Variants in RAPGEF4 observed in about 807,000 individuals in gnomAD.
RAPGEF4 encodes Rap guanine nucleotide exchange factor 4, also known as RAP guanine-nucleotide-exchange factor (GEF) 4.
In RAPGEF4, 66 loss-of-function variants were observed where a neutral mutation model predicts 147.9. The ratio of observed to expected loss-of-function variants is 0.45; its 90% CI spans 0.37 to 0.55. The LOEUF is 0.55. RAPGEF4 is among the 20% of genes least tolerant of loss of function. RAPGEF4 has a pLI of 0.00. For missense variants in RAPGEF4, 1,071 were observed against 1,257.3 expected (o/e 0.85, Z 2.24); for synonymous variants, 419 against 442.7 (o/e 0.95, Z 0.67).
intron 11 of RAPGEF4, among the ~76,000 whole-genome samples, chr2:172,984,375 G>A (rs192848211): frequency 6.6e-6 from 1 of 152,170 alleles, no homozygotes; most frequent in Non-Finnish European, 1.5e-5. Context: ...GTACCTGCCA[G>A]TCCCTGCTGT....
At chr2:172,756,690 C>T (rs1695811422) in intron 1 of RAPGEF4, among the ~76,000 whole-genome samples, 4 of 152,150 alleles carry the variant, frequency 2.6e-5, no homozygotes, top group African/African-American at 9.7e-5. Flanking sequence ...GGGCACTGCA[C>T]CTTGCATCTA....
intron 1 of RAPGEF4, among the ~76,000 whole-genome samples, chr2:172,774,499 G>A (rs924830334): frequency 6.6e-6 from 1 of 152,108 alleles, no homozygotes; most frequent in African/African-American, 2.4e-5. Context: ...TTATTTTGCT[G>A]TCTGGAAACA....
intron 4 of RAPGEF4, among the ~76,000 whole-genome samples, chr2:172,916,590 G>A (rs1684097789): frequency 6.6e-6 from 1 of 152,210 alleles, no homozygotes; most frequent in South Asian, 2.1e-4. Flanking sequence ...GTATGTCTGA[G>A]TGATCACTTA....
At chr2:172,946,274 A>G (rs1687670188) in intron 6 of RAPGEF4, among the ~76,000 whole-genome samples, 1 of 152,240 alleles carries the variant, frequency 6.6e-6, no homozygotes, top group Non-Finnish European at 1.5e-5. Context: ...GGGGCTGAAT[A>G]TTAATATTCC....
Position 172,986,839 on chromosome 2 carries a change from G to A in RAPGEF4, c.1150+1346G>A, listed in dbSNP as rs373580278. Among the ~76,000 whole-genome samples, 200 of 152,042 alleles carry A rather than the reference G, an allele frequency of 1.3e-3. 3 individuals carry two copies. In the South Asian group the frequency reaches 0.014, roughly 11 times the overall value. On this transcript the variant is annotated intron_variant, in intron 12 of 30. Transcript: ENST00000397081. ...CTCCCAAGTAGTTGGGATTACAGGC[G>A]TGTGCCACCACGCCCAGCTAATTTT...
chr2:172,805,988 A>C (rs1461227891), intron 3 of RAPGEF4, among the ~76,000 whole-genome samples: 1 of 150,440 alleles, frequency 6.6e-6, no homozygotes, highest in East Asian at 1.9e-4. Flanking sequence ...TAGGATTATA[A>C]ATCTCATTGT....
chr2:173,009,927 A>G (rs886124862), intron 17 of RAPGEF4, among the ~76,000 whole-genome samples: 1 of 152,240 alleles, frequency 6.6e-6, no homozygotes, highest in Non-Finnish European at 1.5e-5. Context: ...CTTTGAAGTC[A>G]TCTGACTCTG....
intron 4 of RAPGEF4, 53 bp from the exon 5 acceptor site, chr2:172,917,749 A>T: frequency 6.8e-7 from 1 of 1,464,572 alleles, no homozygotes; most frequent in Non-Finnish European, 9.6e-7. Flanking sequence ...AAATAAATGA[A>T]TGCTCAAAGC....
At chr2:172,907,319 A>T (rs556239840) in intron 4 of RAPGEF4, among the ~76,000 whole-genome samples, 1 of 152,236 alleles carries the variant, frequency 6.6e-6, no homozygotes, top group South Asian at 2.1e-4. Flanking sequence ...GTCCCTTCCC[A>T]TCCCTTCTTT....
intron 6 of RAPGEF4, among the ~76,000 whole-genome samples, chr2:172,925,801 G>T (rs1360508110): frequency 2.2e-5 from 3 of 136,452 alleles, no homozygotes; most frequent in Non-Finnish European, 3.2e-5. Flanking sequence ...GAGAGAGAAA[G>T]AAAGAAAGAG....
At chr2:172,840,572 G>A (rs1457156091) in intron 4 of RAPGEF4, among the ~76,000 whole-genome samples, 2 of 152,212 alleles carry the variant, frequency 1.3e-5, no homozygotes, top group Non-Finnish European at 1.5e-5. Flanking sequence ...TAACAGCCAA[G>A]TCTTAGGCGA....
At chr2:172,910,516 A>G (rs759473887) in intron 4 of RAPGEF4, among the ~76,000 whole-genome samples, 8 of 152,212 alleles carry the variant, frequency 5.3e-5, no homozygotes, top group Non-Finnish European at 1.2e-4. Flanking sequence ...ATTCTATTAT[A>G]TGTATGGATT....
intron 1 of RAPGEF4, among the ~76,000 whole-genome samples, chr2:172,751,752 G>T (rs960024413): frequency 6.6e-6 from 1 of 152,184 alleles, no homozygotes; most frequent in Admixed American, 6.5e-5. Flanking sequence ...CAGAACAGAG[G>T]TCGGGCTGGT....
intron 23 of RAPGEF4, among the ~76,000 whole-genome samples, chr2:173,023,682 C>A (rs1409534400): frequency 6.6e-6 from 1 of 152,182 alleles, no homozygotes; most frequent in South Asian, 2.1e-4. Flanking sequence ...GCATCCACGA[C>A]TAAAAGAACT....
intron 4 of RAPGEF4, among the ~76,000 whole-genome samples, chr2:172,818,358 A>G (rs1055145249): frequency 2.0e-5 from 3 of 152,184 alleles, no homozygotes; most frequent in African/African-American, 7.2e-5. Context: ...AAAAAACACT[A>G]AAATATATAT....
chr2:173,014,444 C>A lies in RAPGEF4; in HGVS notation c.1659-20C>A, dbSNP rs1695316614. The A allele has an allele frequency of 1.2e-6, 2 of 1,613,208 alleles. No homozygotes were observed. On this transcript the variant is annotated intron_variant, in intron 17 of 30. Transcript: ENST00000397081. ...AAATGAGTGTGAAATGGCTCAATTTCTTCCTTGACTCCTCGGCACCTACCA... is the reference window on the plus strand; with the variant it reads ...AAATGAGTGTGAAATGGCTCAATTTATTCCTTGACTCCTCGGCACCTACCA...
chr2:172,879,420 A>G (rs776939019), intron 4 of RAPGEF4, among the ~76,000 whole-genome samples: 3 of 152,220 alleles, frequency 2.0e-5, no homozygotes, highest in Non-Finnish European at 4.4e-5. Flanking sequence ...ATGTAATACT[A>G]TATACCAAAC....
intron 10 of RAPGEF4, among the ~76,000 whole-genome samples, chr2:172,980,681 G>A (rs1392261441): frequency 6.6e-6 from 1 of 152,158 alleles, no homozygotes; most frequent in Admixed American, 6.5e-5. Context: ...TAGCTGTTAC[G>A]GCTCAAAGGT....
chr2:173,036,057 A>G, intron 27 of RAPGEF4, 68 bp from the exon 28 acceptor site: 1 of 1,160,754 alleles, frequency 8.6e-7, no homozygotes, highest in Non-Finnish European at 1.3e-6. Flanking sequence ...AGGCAGGTGT[A>G]TTAGGAGGTA....
Sources: allele counts gnomAD v4.1 joint callset (sites outside exome capture counted in the v4.1 genomes callset), GRCh38; gene constraint gnomAD v4.1.1; transcripts MANE v1.5; gene names NCBI Gene and HGNC (gene_info 2026-07-23, HGNC 2026-07-21).